The following ZNF521 variants were observed in gnomAD, a reference collection of about 807,000 sequenced individuals.
ZNF521 encodes the protein LYST-interacting protein 3.
ZNF521 carries 14 observed loss-of-function variants against 105.5 expected under a neutral mutation model. The ratio of observed to expected loss-of-function variants is 0.13; its 90% CI spans 0.09 to 0.21. The LOEUF (loss-of-function observed/expected upper bound fraction) is 0.21. Ranked by LOEUF, ZNF521 falls within the 10% of genes least tolerant of loss-of-function variation. The pLI, the probability that ZNF521 is intolerant of heterozygous loss-of-function variation, is 1.00. For synonymous variants in ZNF521, 635 were observed against 606.0 expected, an observed-to-expected ratio of 1.05 and a Z score of -0.70; for missense variants, 1,233 against 1,629.7, an observed-to-expected ratio of 0.76 and a Z score of 4.19.
At chr18:25,189,178 G>GT (rs1264115830) in intron 5 of ZNF521, among the ~76,000 whole-genome samples, 4 of 152,112 alleles carry the variant, frequency 2.6e-5, no homozygotes, top group Non-Finnish European at 5.9e-5. Context: ...TTTTCTTTGA[G>GT]TTTCTTTTAA....
At chr18:25,340,086 G>A (rs1914111107) in intron 2 of ZNF521, among the ~76,000 whole-genome samples, 1 of 152,154 alleles carries the variant, frequency 6.6e-6, no homozygotes, top group Non-Finnish European at 1.5e-5. Flanking sequence ...GTAGGTTGTG[G>A]TGGCTCACGC....
Position 25,226,989 on chromosome 18 carries a change from T to G in ZNF521, c.929A>C (p.Asn310Thr). Residue 310 changes from asparagine (N) to threonine (T), a missense_variant, in exon 4 of 8, where the codon AAC becomes ACC. By Grantham distance (65) the Asn-to-Thr change is moderately conservative (BLOSUM62 0). Around this residue, in one of 6 missense-constraint regions of ZNF521, gnomAD observed 380 missense variants for 478.0 expected, o/e 0.80. Transcript: ENST00000361524. This position sits in a 1 kb window ranked among gnomAD's most constrained non-coding sequence, Gnocchi z 4.1. ...MEQVHSGEKK[N>T]SCSICSESFH... The stretch of plus-strand genomic sequence containing the variant: ...ACTCTCAGAACAAATGCTGCATGAG[T>G]TCTTCTTCTCCCCGCTATGCACCTG... 1 of 1,613,970 alleles carries G rather than the reference T, an allele frequency of 6.2e-7. No homozygotes were observed. The highest frequency in any genetic ancestry group is 8.5e-7 in the Non-Finnish European group (1 of 1,179,960).
At chr18:25,112,053 G>A (rs2034200990) in intron 5 of ZNF521, among the ~76,000 whole-genome samples, 1 of 152,162 alleles carries the variant, frequency 6.6e-6, no homozygotes, top group South Asian at 2.1e-4. Flanking sequence ...ATCTGCAGGA[G>A]GCTCCAGTCC....
intron 7 of ZNF521, 41 bp downstream of exon 7, chr18:25,089,424 G>T (rs1384703373): frequency 2.1e-6 from 3 of 1,444,636 alleles, no homozygotes; most frequent in Admixed American, 1.7e-5. Context: ...TATAAGAATA[G>T]CAACTGAGTT....
In ZNF521 at chr18:25,165,505, T is replaced by C. The variant is rs1269464122; in HGVS notation, c.3658+29655A>G. Among the ~76,000 whole-genome samples the C allele has an allele frequency of 2.0e-5, 3 of 152,324 alleles. No homozygotes were observed. In the East Asian group the frequency reaches 5.8e-4, roughly 29 times the overall value. On this transcript the variant is annotated intron_variant, in intron 5 of 7. Transcript: ENST00000361524. ...ATACAGTGTGAGCAGCTCTGTTCTG[T>C]CCCACAGCTCCTTCTCCAGAGACCT...
At chr18:25,131,792 C>T (rs1020894040) in intron 5 of ZNF521, among the ~76,000 whole-genome samples, 2 of 152,176 alleles carry the variant, frequency 1.3e-5, no homozygotes, top group Admixed American at 6.5e-5. Flanking sequence ...TCACACTTCT[C>T]TAATTCTCAC....
chr18:25,129,399 G>C (rs2034598964), intron 5 of ZNF521, among the ~76,000 whole-genome samples: 1 of 151,454 alleles, frequency 6.6e-6, no homozygotes, highest in Non-Finnish European at 1.5e-5. Context: ...GAAGACAACA[G>C]GAAAATCTAG....
chr18:25,119,476 A>G (rs2144340718), intron 5 of ZNF521, among the ~76,000 whole-genome samples: 1 of 152,324 alleles, frequency 6.6e-6, no homozygotes, highest in East Asian at 1.9e-4. Flanking sequence ...TATGCTCTCT[A>G]TTCATATGGA....
chr18:25,344,625 G>A (rs1914381477), intron 2 of ZNF521, among the ~76,000 whole-genome samples: 1 of 152,146 alleles, frequency 6.6e-6, no homozygotes, highest in Admixed American at 6.5e-5. Context: ...ATACATCTGG[G>A]AAAATACTTA....
At chr18:25,109,420 A>G (rs1299645209) in intron 5 of ZNF521, among the ~76,000 whole-genome samples, 4 of 152,220 alleles carry the variant, frequency 2.6e-5, no homozygotes, top group Non-Finnish European at 5.9e-5. Context: ...TAACACAGGT[A>G]CGCAGGTGTC....
intron 2 of ZNF521, among the ~76,000 whole-genome samples, chr18:25,328,171 G>A (rs1913341168): frequency 6.6e-6 from 1 of 152,162 alleles, no homozygotes; most frequent in Admixed American, 6.5e-5. Context: ...TTCTCAGACA[G>A]AAAGAATGAT....
intron 5 of ZNF521, among the ~76,000 whole-genome samples, chr18:25,153,303 A>C (rs2035082172): frequency 6.6e-6 from 1 of 152,228 alleles, no homozygotes; most frequent in African/African-American, 2.4e-5. Context: ...CAAATTAAAA[A>C]TTTATTTCCT....
intron 5 of ZNF521, among the ~76,000 whole-genome samples, chr18:25,108,986 A>G (rs1316164884): frequency 1.3e-5 from 2 of 152,152 alleles, no homozygotes; most frequent in Non-Finnish European, 2.9e-5. Flanking sequence ...TTCAGAGGGT[A>G]CATGTGCAGG....
At chr18:25,131,600 C>T (rs62083874) in intron 5 of ZNF521, among the ~76,000 whole-genome samples, 1 of 151,996 alleles carries the variant, frequency 6.6e-6, no homozygotes, top group Non-Finnish European at 1.5e-5. Context: ...CAAATTTGAC[C>T]CAAGCTCCTT....
intron 3 of ZNF521, among the ~76,000 whole-genome samples, chr18:25,306,956 G>A (rs1215833045): frequency 6.6e-6 from 1 of 151,952 alleles, no homozygotes; most frequent in East Asian, 1.9e-4. Context: ...AAGTATCTCA[G>A]ATTTAACACA....
rs2032955414 is a variant in ZNF521 at position 25,063,157 on chromosome 18, T to TA, written c.3907-417dup. On this transcript the variant is annotated intron_variant, in intron 7 of 7. Transcript: ENST00000361524. ...TACGACCCAGTGTTCAAGGAGCAGG[T>TA]AGCACTGTTTTAACAGTTTTATGGA... Among the ~76,000 whole-genome samples the TA allele has an allele frequency of 2.0e-5, 3 of 152,344 alleles. No homozygotes were observed. The South Asian group carries it at 6.2e-4, about 32-fold the overall frequency.
intron 6 of ZNF521, among the ~76,000 whole-genome samples, chr18:25,091,199 C>T (rs1479273704): frequency 2.0e-5 from 3 of 152,176 alleles, no homozygotes; most frequent in South Asian, 2.1e-4. Context: ...GGGGCTTAAC[C>T]ACTGAGTCCA....
chr18:25,170,687 G>T (rs557803467), intron 5 of ZNF521, among the ~76,000 whole-genome samples: 1 of 152,086 alleles, frequency 6.6e-6, no homozygotes, highest in African/African-American at 2.4e-5. Context: ...AATCGTAGCC[G>T]TGTAACATAA....
chr18:25,222,536 T>C (rs1380670835), intron 4 of ZNF521, among the ~76,000 whole-genome samples: 1 of 152,194 alleles, frequency 6.6e-6, no homozygotes, highest in Non-Finnish European at 1.5e-5. Context: ...TCATTTAAAA[T>C]GCACAAGCAA....
Sources: allele counts gnomAD v4.1 joint callset (sites outside exome capture counted in the v4.1 genomes callset), GRCh38; gene constraint gnomAD v4.1.1; regional missense constraint gnomAD v4.1.1; non-coding constraint Gnocchi (gnomAD v3.1); transcripts MANE v1.5; gene names NCBI Gene and HGNC (gene_info 2026-07-23, HGNC 2026-07-21).